Variants in CT47B1 observed in about 807,000 individuals in gnomAD.
CT47B1 encodes cancer/testis CT47 family, member 13.
A neutral mutation model predicts 12.8 loss-of-function variants in CT47B1; 24 were observed. The ratio of observed to expected loss-of-function variants is 1.87; its 90% CI spans 1.36 to 2.63. CT47B1 has a LOEUF of 2.63. CT47B1 is among the 30% of genes most tolerant of loss of function. The pLI, the probability that CT47B1 is intolerant of heterozygous loss-of-function variation, is 0.00. For missense variants in CT47B1, 523 were observed against 271.3 expected (o/e 1.93, Z -6.52); for synonymous variants, 228 against 133.3 (o/e 1.71, Z -4.89).
At position 120,874,757 on chromosome X, in the gene CT47B1, C is replaced by A. The variant is rs146265474; in HGVS notation, c.775+139G>T. On this transcript the variant is annotated intron_variant, in intron 1 of 2. Transcript: ENST00000371311. Reference sequence around the variant, plus strand: ...ATTCAGCCTTAAGTTTCAGGAGGGCCCCAACACCTGCTTCACCACCCGAGG... The same window carrying A: ...ATTCAGCCTTAAGTTTCAGGAGGGCACCAACACCTGCTTCACCACCCGAGG... The A allele has an allele frequency of 1.6e-3, 1,574 of 976,491 alleles. 16 individuals carry two copies. The African/African-American group carries it at 0.027, about 17-fold the overall frequency. 80.5% of individuals were successfully genotyped at this position (976,491 alleles called of 1,213,427 possible). A position where few individuals can be genotyped will look rare whatever the true frequency, so the allele number is the denominator to read the frequency against.
chrX:120,875,238 T>C lies in CT47B1; in HGVS notation c.433A>G (p.Asn145Asp), dbSNP rs1400446205. Residue 145 changes from asparagine to aspartate, a missense_variant, in exon 1 of 3, where the codon AAC becomes GAC. Transcript: ENST00000371311. ...ACCATCAGGCGGCTGAGGTGACGGT[T>C]CGCTATCTGGATGTGGTCGTTGTGA... The part of the protein sequence containing the change: ...LYHNDHIQIA[N>D]RHLSRLMVGP... 1 of 1,211,102 alleles carries C rather than the reference T, an allele frequency of 8.3e-7. No homozygotes were observed. The highest frequency in any genetic ancestry group is 1.1e-6 in the Non-Finnish European group (1 of 894,797).
In CT47B1 at chrX:120,875,300, A is replaced by T. The variant is rs1309238878; in HGVS notation, c.371T>A (p.Phe124Tyr). ...GAGAAGGGAGTGGACCAGGTACAGG[A>T]ACACGAAGCCAATGCCCGCCGCCGG... The part of the protein sequence containing the change: ...RYPAAGIGFV[F>Y]LYLVHSLLRR... Residue 124 changes from phenylalanine to tyrosine, a missense_variant, in exon 1 of 3, where the codon TTC (phenylalanine) becomes TAC (tyrosine). Phe to Tyr is a conservative substitution (Grantham distance 22, BLOSUM62 3). Transcript: ENST00000371311. 3 of 1,210,144 alleles carry T rather than the reference A, an allele frequency of 2.5e-6. No homozygotes were observed. The highest frequency in any genetic ancestry group is 3.5e-5 in the African/African-American group (2 of 57,586).
rs1381403653 is a variant in CT47B1, at chrX:120,874,958, T to C, written c.713A>G (p.Glu238Gly). 1.7e-6 allele frequency: 2 copies of C among 1,199,813 alleles called. No individual in the cohort carries two copies. Among genetic ancestry groups the C allele is most frequent in the South Asian group, 3.5e-5 (2 of 56,812 alleles). ...PEEAAEEKLT[E>G]EATEEPAAEE... Reference sequence around the variant, plus strand: ...TGCGGCCGGTTCCTCTGTGGCCTCCTCTGTGAGCTTCTCCTCTGCGGCCTC... The same window carrying C: ...TGCGGCCGGTTCCTCTGTGGCCTCCCCTGTGAGCTTCTCCTCTGCGGCCTC... Residue 238 changes from glutamate (E) to glycine (G), a missense_variant, in exon 1 of 3, where the codon GAG (glutamate) becomes GGG (glycine). By Grantham distance (98) the Glu-to-Gly change is moderately conservative (BLOSUM62 -2). Transcript: ENST00000371311.
At chrX:120,874,852 C>A (rs764643826) in intron 1 of CT47B1, 44 bp downstream of exon 1, 7 of 1,198,606 alleles carry the variant, frequency 5.8e-6, no homozygotes, top group Admixed American at 2.2e-5. Flanking sequence ...AGCCCTTGGA[C>A]ACATGGATCC....
chrX:120,875,515 G>A lies in CT47B1; in HGVS notation c.156C>T (p.Val52=), dbSNP rs1342722439. Residue 52 remains valine, a synonymous_variant, in exon 1 of 3, where the codon GTC becomes GTT. Coordinates refer to ENST00000371311, the MANE Select transcript of CT47B1 (RefSeq NM_001145718.3). ...SSDMVPAAEV[V]GVAGPVEGLG... is the part of the protein sequence containing the mutation. Reference sequence around the variant, plus strand: ...GGCCTTCCACGGGCCCTGCGACTCCGACCACCTCGGCCGCAGGCACCATGT... The same window carrying A: ...GGCCTTCCACGGGCCCTGCGACTCCAACCACCTCGGCCGCAGGCACCATGT... The A allele has an allele frequency of 2.6e-5, 31 of 1,195,347 alleles. 1 individual carries two copies. The highest frequency in any genetic ancestry group is 5.3e-5 in the African/African-American group (3 of 56,672).
rs538389922 is a variant in CT47B1 at position 120,874,897 on chromosome X, C to T, written c.774G>A (p.Glu258=). The change falls in exon 1 of 3, where the codon GAG becomes GAA. Residue 258 remains glutamate, a splice_region_variant and synonymous_variant. Coordinates refer to ENST00000371311, the MANE Select transcript of CT47B1 (RefSeq NM_001145718.3). ...CGCTGCTGCCGCTAGCCCCCTTACCCTCGGGGGCCACGGCCTCCTCTGAGG... is the reference window on the plus strand; with the variant it reads ...CGCTGCTGCCGCTAGCCCCCTTACCTTCGGGGGCCACGGCCTCCTCTGAGG... The part of the protein sequence containing the change: ...EPTSEEAVAP[E]EVTKSQPEKW... 1,249 of 1,207,675 alleles carry T rather than the reference C, an allele frequency of 1.0e-3. 10 individuals are homozygous for T. The African/African-American group carries it at 0.019, about 19-fold the overall frequency.
intron 2 of CT47B1, 66 bp downstream of exon 2, chrX:120,873,799 T>A: frequency 1.2e-6 from 1 of 818,109 alleles, no homozygotes; most frequent in Non-Finnish European, 1.6e-6. Flanking sequence ...TGTTGTTCAA[T>A]AAAACTGTCT....
chrX:120,875,845 G>A lies in CT47B1; in HGVS notation c.-175C>T. 2 of 555,149 alleles carry A rather than the reference G, an allele frequency of 3.6e-6. No homozygotes were observed. Among genetic ancestry groups the A allele is most frequent in the African/African-American group, 5.4e-5 (1 of 18,628 alleles). 45.8% of individuals were successfully genotyped at this position (555,149 alleles called of 1,213,427 possible). A position where few individuals can be genotyped will look rare whatever the true frequency, so the allele number is the denominator to read the frequency against. The stretch of plus-strand genomic sequence containing the variant: ...CTGTCTCAGAGGACACCCTAAGGTG[G>A]GAAGGGCAGGGAGCGAATCCTAGGA... On this transcript the variant is annotated 5_prime_UTR_variant, in exon 1 of 3. Transcript: ENST00000371311.
intron 1 of CT47B1, among the ~76,000 whole-genome samples, chrX:120,874,547 T>C (rs1923860779): frequency 9.0e-6 from 1 of 111,133 alleles, no homozygotes; most frequent in African/African-American, 3.3e-5. Context: ...ATTTGCCTGT[T>C]CTTTTCCTTC....
At position 120,875,513 on chromosome X, in the gene CT47B1, C is replaced by A. The variant is rs752284880; in HGVS notation, c.158G>T (p.Gly53Val). 2.5e-6 allele frequency: 3 copies of A among 1,195,732 alleles called. No individual in the cohort carries two copies. Among genetic ancestry groups the A allele is most frequent in the Non-Finnish European group, 3.4e-6 (3 of 893,480 alleles). Residue 53 changes from glycine (G) to valine (V), a missense_variant, in exon 1 of 3, where the codon GGA becomes GTA. Transcript: ENST00000371311. ...GAGGCCTTCCACGGGCCCTGCGACT[C>A]CGACCACCTCGGCCGCAGGCACCAT... ...SDMVPAAEVVGVAGPVEGLGE... is the reference protein window; with the variant it reads ...SDMVPAAEVVVVAGPVEGLGE...
chrX:120,875,595 C>A lies in CT47B1; in HGVS notation c.76G>T (p.Glu26Ter), dbSNP rs772270210. The part of the protein sequence containing the change: ...APVSQEGAQA[E>*]AAGAGNQEGG... ...TCCTGGTTACCAGCTCCGGCCGCCT[C>A]GGCCTGTGCTCCCTCCTGGCTTACC... The change falls in exon 1 of 3, where the codon GAG becomes TAG. Residue 26 changes from glutamate (E) to a stop codon, truncating the protein, a stop_gained. Coordinates refer to ENST00000371311, the MANE Select transcript of CT47B1 (RefSeq NM_001145718.3). LOFTEE classifies it high-confidence loss of function. 2 of 1,156,555 alleles carry A rather than the reference C, an allele frequency of 1.7e-6. No homozygotes were observed. The highest frequency in any genetic ancestry group is 2.3e-6 in the Non-Finnish European group (2 of 875,925).
rs771210512 is a variant in CT47B1, at chrX:120,875,239, C to T, written c.432G>A (p.Ala144=). 2.1e-5 allele frequency: 25 copies of T among 1,210,177 alleles called. No individual in the cohort carries two copies. The East Asian group carries it at 5.3e-4, about 26-fold the overall frequency. Residue 144 remains alanine, a synonymous_variant, in exon 1 of 3, where the codon GCG becomes GCA. Transcript: ENST00000371311. ...CCATCAGGCGGCTGAGGTGACGGTT[C>T]GCTATCTGGATGTGGTCGTTGTGAT... ...RLYHNDHIQI[A]NRHLSRLMVG...
chrX:120,873,379 G>A (rs1923825250), intron 2 of CT47B1, among the ~76,000 whole-genome samples: 1 of 96,974 alleles, frequency 1.0e-5, no homozygotes, highest in Non-Finnish European at 2.2e-5. Context: ...GTCATTAATT[G>A]TGGTCCTACT....
At position 120,875,590 on chromosome X, in the gene CT47B1, C is replaced by T. The variant is rs755187963; in HGVS notation, c.81G>A (p.Ala27=). Residue 27 remains alanine (A), a synonymous_variant, in exon 1 of 3, where the codon GCG becomes GCA. Coordinates refer to ENST00000371311, the MANE Select transcript of CT47B1 (RefSeq NM_001145718.3). ...CGCCCTCCTGGTTACCAGCTCCGGCCGCCTCGGCCTGTGCTCCCTCCTGGC... is the reference window on the plus strand; with the variant it reads ...CGCCCTCCTGGTTACCAGCTCCGGCTGCCTCGGCCTGTGCTCCCTCCTGGC... ...PVSQEGAQAE[A]AGAGNQEGGD... is the part of the protein sequence containing the mutation. 6 of 1,168,595 alleles carry T rather than the reference C, an allele frequency of 5.1e-6. No homozygotes were observed. The African/African-American group carries it at 5.6e-5, about 11-fold the overall frequency.
rs745907069 is a variant in CT47B1 at position 120,874,002 on chromosome X, G to T, written c.794C>A (p.Pro265His). 80 of 469,905 alleles carry T rather than the reference G, an allele frequency of 1.7e-4. 1 individual carries two copies. In the African/African-American group the frequency reaches 2.5e-3, roughly 14 times the overall value. The allele number at this position is 469,905 out of a possible 1,213,427, so 38.7% of individuals were successfully genotyped here. ...TTGGGCCTCTTCATCCCACTTTTCG[G>T]GCTGAGATTTAGTGACTTCTTTAGG... Reference protein sequence around the residue: ...VAPEEVTKSQPEKWDEEAQDA... With the variant: ...VAPEEVTKSQHEKWDEEAQDA... The change falls in exon 2 of 3, where the codon CCC becomes CAC. Residue 265 changes from proline (P) to histidine (H), a missense_variant. By Grantham distance (77) the Pro-to-His change is moderately conservative. Coordinates refer to ENST00000371311, the MANE Select transcript of CT47B1 (RefSeq NM_001145718.3).
chrX:120,875,317 C>G lies in CT47B1; in HGVS notation c.354G>C (p.Ala118=), dbSNP rs776358929. Residue 118 remains alanine, a synonymous_variant, in exon 1 of 3, where the codon GCG becomes GCC. Coordinates refer to ENST00000371311, the MANE Select transcript of CT47B1 (RefSeq NM_001145718.3). The part of the protein sequence containing the change: ...LAVATRRYPA[A]GIGFVFLYLV... ...GGTACAGGAACACGAAGCCAATGCC[C>G]GCCGCCGGGTACCGACGGGTGGCCA... 1 of 1,210,739 alleles carries G rather than the reference C, an allele frequency of 8.3e-7. No individual in the cohort carries two copies. Among genetic ancestry groups the G allele is most frequent in the Non-Finnish European group, 1.1e-6 (1 of 894,634 alleles).
At chrX:120,874,627 T>C (rs867761433) in intron 1 of CT47B1, among the ~76,000 whole-genome samples, 27 of 111,096 alleles carry the variant, frequency 2.4e-4, no homozygotes, top group Non-Finnish European at 4.2e-4. Context: ...GCAAATGGCA[T>C]CGATGATCTC....
In CT47B1 at chrX:120,875,104, C is replaced by A. The variant is rs753812300; in HGVS notation, c.567G>T (p.Leu189=). 22 of 1,210,095 alleles carry A rather than the reference C, an allele frequency of 1.8e-5. No individual in the cohort carries two copies. The highest frequency in any genetic ancestry group is 2.5e-5 in the Non-Finnish European group (22 of 894,714). ...CCTGGACCGACGCAGCCTCCTGGAT[C>A]AGGCCGAGGCCCTCGCCTTCTGGGG... ...AAAPEGEGLG[L]IQEAASVQEA... is the part of the protein sequence containing the mutation. The change falls in exon 1 of 3, where the codon CTG becomes CTT. Residue 189 remains leucine, a synonymous_variant. Coordinates refer to ENST00000371311, the MANE Select transcript of CT47B1 (RefSeq NM_001145718.3).
chrX:120,874,643 T>G (rs932509573), intron 1 of CT47B1, among the ~76,000 whole-genome samples: 2 of 111,021 alleles, frequency 1.8e-5, no homozygotes, highest in African/African-American at 6.5e-5. Context: ...ATCTCAGATC[T>G]CCTATCAAAT....
Sources: allele counts gnomAD v4.1 joint callset (sites outside exome capture counted in the v4.1 genomes callset), GRCh38; gene constraint gnomAD v4.1.1; transcripts MANE v1.5; gene names NCBI Gene and HGNC (gene_info 2026-07-23, HGNC 2026-07-21).